Variants in INTU observed in about 807,000 individuals in gnomAD.
INTU encodes inturned planar cell polarity protein.
A neutral mutation model predicts 100.5 loss-of-function variants in INTU; 68 were observed. The observed-to-expected ratio is 0.68, with a 90% CI of 0.56 to 0.83. The LOEUF (loss-of-function observed/expected upper bound fraction) is 0.83, where lower values mean the gene tolerates loss of function less well. Ranked by LOEUF, INTU falls within the 40% of genes least tolerant of loss-of-function variation. The pLI is 0.00. For synonymous variants in INTU, 357 were observed against 395.7 expected, an observed-to-expected ratio of 0.90 and a Z score of 1.16; for missense variants, 1,071 against 1,114.7, an observed-to-expected ratio of 0.96 and a Z score of 0.56.
At chr4:127,663,639 AAAGT>A (rs1728575488) in intron 4 of INTU, 55 bp downstream of exon 4, 1 of 1,407,816 alleles carries the variant, frequency 7.1e-7, no homozygotes, top group Non-Finnish European at 1.0e-6. Context: ...CCCAAAGGAA[AAAGT>A]AAGGACCTTT....
intron 3 of INTU, among the ~76,000 whole-genome samples, chr4:127,659,178 C>T (rs1052083953): frequency 1.2e-4 from 18 of 152,262 alleles, no homozygotes; most frequent in African/African-American, 4.3e-4. Context: ...TGCTATGCCA[C>T]CTGGTTCCTA....
At chr4:127,651,373 T>C (rs1040980156) in intron 2 of INTU, among the ~76,000 whole-genome samples, 9 of 152,366 alleles carry the variant, frequency 5.9e-5, no homozygotes, top group African/African-American at 2.2e-4. Context: ...AAGGCTTTAA[T>C]CCATCTTGAA....
At chr4:127,714,737 C>A (rs1250219741) in intron 15 of INTU, among the ~76,000 whole-genome samples, 5 of 152,026 alleles carry the variant, frequency 3.3e-5, no homozygotes, top group African/African-American at 1.2e-4. Flanking sequence ...TTCTCCACCC[C>A]CCACCCTCAT....
At chr4:127,703,464 A>G (rs530912385) in intron 9 of INTU, among the ~76,000 whole-genome samples, 1 of 152,266 alleles carries the variant, frequency 6.6e-6, no homozygotes, top group East Asian at 1.9e-4. Flanking sequence ...CCATATACAT[A>G]CATTCCCACA....
intron 2 of INTU, among the ~76,000 whole-genome samples, chr4:127,648,926 A>T (rs1326607946): frequency 3.3e-5 from 5 of 152,150 alleles, no homozygotes; most frequent in Non-Finnish European, 5.9e-5. Context: ...GTTAACCATC[A>T]TAATGACTTG....
At chr4:127,671,510 G>A (rs1156799055) in intron 5 of INTU, among the ~76,000 whole-genome samples, 1 of 152,014 alleles carries the variant, frequency 6.6e-6, no homozygotes, top group Admixed American at 6.6e-5. Context: ...ATACAGTGCT[G>A]GTGGAATTGT....
intron 3 of INTU, among the ~76,000 whole-genome samples, chr4:127,660,832 A>C (rs1728444732): frequency 6.6e-6 from 1 of 152,184 alleles, no homozygotes; most frequent in Admixed American, 6.5e-5. Context: ...AAGAAGCTTC[A>C]TGTAAACTAA....
At chr4:127,660,351 A>T (rs558938052) in intron 3 of INTU, among the ~76,000 whole-genome samples, 1 of 152,326 alleles carries the variant, frequency 6.6e-6, no homozygotes, top group South Asian at 2.1e-4. Flanking sequence ...GTCAGACTCG[A>T]TTCCCTCAGA....
chr4:127,633,041 T>A lies in INTU; in HGVS notation c.7T>A (p.Ser3Thr). 6.2e-7 allele frequency: 1 copy of A among 1,612,890 alleles called. No individual in the cohort carries two copies. The highest frequency in any genetic ancestry group is 2.2e-5 in the East Asian group (1 of 44,846). Residue 3 changes from serine (S) to threonine (T), a missense_variant, in exon 1 of 16, where the codon TCT (serine) becomes ACT (threonine). By Grantham distance (58) the Ser-to-Thr change is moderately conservative. Coordinates refer to ENST00000335251, the MANE Select transcript of INTU (RefSeq NM_015693.4). MA[S>T]VASCDSRPSS... is the part of the protein sequence containing the mutation. ...AGCTATTGCATTCCTGACGATGGCC[T>A]CTGTGGCTTCGTGCGATTCGCGTCC...
At chr4:127,679,425 A>C (rs1729405777) in intron 6 of INTU, among the ~76,000 whole-genome samples, 1 of 152,234 alleles carries the variant, frequency 6.6e-6, no homozygotes, top group Non-Finnish European at 1.5e-5. Context: ...AGTGCAATCA[A>C]ACTACAACTC....
chr4:127,681,178 C>G (rs1335228346), intron 6 of INTU, among the ~76,000 whole-genome samples: 1 of 152,134 alleles, frequency 6.6e-6, no homozygotes, highest in Admixed American at 6.6e-5. Flanking sequence ...CCATACTGCC[C>G]AAGGTAATTT....
intron 13 of INTU, among the ~76,000 whole-genome samples, chr4:127,709,934 G>A (rs1731032545): frequency 6.6e-6 from 1 of 152,102 alleles, no homozygotes. Flanking sequence ...AAATATGAAT[G>A]TTTAATTTTT....
At chr4:127,708,420 G>A (rs1173135711) in intron 12 of INTU, 151 bp from the exon 13 acceptor site, 32 of 548,058 alleles carry the variant, frequency 5.8e-5, no homozygotes, top group Non-Finnish European at 6.3e-5. Context: ...CCATGGATAA[G>A]CCAAGAGGTA....
chr4:127,724,501 T>C lies in INTU; in HGVS notation c.*8065T>C, dbSNP rs929352540. The C allele has an allele frequency of 2.0e-5, 3 of 152,200 alleles. No homozygotes were observed. The highest frequency in any genetic ancestry group is 1.3e-4 in the Admixed American group (2 of 15,274). The allele number at this position is 152,200 out of a possible 1,614,324, so 9.4% of individuals were successfully genotyped here. ...GGGTTTTTTCAAAGGGGGAACACTTTAGTGAACAATAGTTTACTTGACCTT... is the reference window on the plus strand; with the variant it reads ...GGGTTTTTTCAAAGGGGGAACACTTCAGTGAACAATAGTTTACTTGACCTT... On this transcript the variant is annotated 3_prime_UTR_variant, in exon 16 of 16. Transcript: ENST00000335251.
Position 127,664,315 on chromosome 4 carries a change from G to C in INTU, c.972+731G>C, listed in dbSNP as rs189872120. Among the ~76,000 whole-genome samples, 22 of 152,116 alleles carry C rather than the reference G, an allele frequency of 1.4e-4. No homozygotes were observed. The East Asian group carries it at 4.2e-3, about 29-fold the overall frequency. On this transcript the variant is annotated intron_variant, in intron 4 of 15. Coordinates refer to ENST00000335251, the MANE Select transcript of INTU (RefSeq NM_015693.4). ...GTAACTGACAATTTCTACTTAAGCTGAAGTGTTTCCAAATTCTATGCCCTT... is the reference window on the plus strand; with the variant it reads ...GTAACTGACAATTTCTACTTAAGCTCAAGTGTTTCCAAATTCTATGCCCTT...
intron 6 of INTU, among the ~76,000 whole-genome samples, chr4:127,681,939 C>T (rs574585633): frequency 5.9e-5 from 9 of 151,914 alleles, no homozygotes; most frequent in Admixed American, 3.3e-4. Flanking sequence ...AAAAAGTGGG[C>T]GAAGGACATG....
chr4:127,669,870 A>G (rs1728846925), intron 5 of INTU, among the ~76,000 whole-genome samples: 2 of 151,934 alleles, frequency 1.3e-5, no homozygotes, highest in African/African-American at 2.4e-5. Flanking sequence ...AAAACCTAGG[A>G]AAAATGCTTC....
intron 5 of INTU, 144 bp downstream of exon 5, chr4:127,669,298 G>A (rs927921695): frequency 5.0e-6 from 2 of 401,004 alleles, no homozygotes; most frequent in South Asian, 1.3e-4. Context: ...TATAATGTAT[G>A]TATATACACG....
At chr4:127,640,374 C>G (rs188172659) in intron 1 of INTU, among the ~76,000 whole-genome samples, 3 of 151,700 alleles carry the variant, frequency 2.0e-5, no homozygotes, top group Admixed American at 6.6e-5. Context: ...CTCTTATTTA[C>G]ACTTCCCTGT....
Sources: allele counts gnomAD v4.1 joint callset (sites outside exome capture counted in the v4.1 genomes callset), GRCh38; gene constraint gnomAD v4.1.1; transcripts MANE v1.5; gene names NCBI Gene and HGNC (gene_info 2026-07-23, HGNC 2026-07-21).